The following CRLF3 variants were observed in gnomAD, a reference collection of about 807,000 sequenced individuals.
CRLF3 encodes the protein cytokine receptor-like factor 3.
CRLF3 carries 33 observed loss-of-function variants against 55.0 expected under a neutral mutation model. That is an observed-to-expected ratio of 0.60 (90% CI 0.46 to 0.80). The LOEUF (loss-of-function observed/expected upper bound fraction) is 0.80. CRLF3 is among the 30% of genes least tolerant of loss of function. CRLF3 has a pLI of 0.00. For synonymous variants in CRLF3, 238 were observed against 196.8 expected, an observed-to-expected ratio of 1.21 and a Z score of -1.75; for missense variants, 494 against 538.4, an observed-to-expected ratio of 0.92 and a Z score of 0.82.
In CRLF3 at chr17:30,803,956, G is replaced by A. The variant is rs774536161; in HGVS notation, c.282C>T (p.Asp94=). The A allele has an allele frequency of 1.5e-5, 24 of 1,612,284 alleles. No individual in the cohort carries two copies. Among genetic ancestry groups the A allele is most frequent in the South Asian group, 2.2e-5 (2 of 91,010 alleles). Reference sequence around the variant, plus strand: ...CTCCGTGTTCTATGAGCTTCTGGCAGTCATCTAGTGGTTTAATGGTCTCCT... The same window carrying A: ...CTCCGTGTTCTATGAGCTTCTGGCAATCATCTAGTGGTTTAATGGTCTCCT... ...IEQETIKPLD[D]CQKLIEHGVN... Residue 94 remains aspartate, a synonymous_variant, in exon 2 of 8, where the codon GAC becomes GAT. Coordinates refer to ENST00000324238, the MANE Select transcript of CRLF3 (RefSeq NM_015986.4).
chr17:30,824,099 T>C (rs1012206895), intron 1 of CRLF3, among the ~76,000 whole-genome samples: 1 of 151,806 alleles, frequency 6.6e-6, no homozygotes, highest in Non-Finnish European at 1.5e-5. Context: ...CACTTTCAGC[T>C]CTCCCAGGTC....
intron 2 of CRLF3, among the ~76,000 whole-genome samples, chr17:30,801,952 G>C: frequency 6.6e-6 from 1 of 151,556 alleles, no homozygotes; most frequent in South Asian, 2.1e-4. Context: ...ATGTCTGCTG[G>C]ATGAATTGCT....
At chr17:30,794,205 A>G (rs770098606) in intron 4 of CRLF3, among the ~76,000 whole-genome samples, 39 of 152,154 alleles carry the variant, frequency 2.6e-4, no homozygotes, top group Admixed American at 3.9e-4. Context: ...GCCTCCTTTG[A>G]AGAAATGGCA....
At chr17:30,817,468 C>A (rs1012826753) in intron 1 of CRLF3, among the ~76,000 whole-genome samples, 1 of 148,856 alleles carries the variant, frequency 6.7e-6, no homozygotes, top group Non-Finnish European at 1.5e-5. Flanking sequence ...GAAAAATATT[C>A]TTGTAAATGC....
rs141870697 is a variant in CRLF3 at position 30,784,095 on chromosome 17, G to A, written c.*92C>T. ...CTTTCCAATGGCCTAAGTTAGAGATGAATTCAACTTTTTTTTTAAAGCAAT... is the reference window on the plus strand; with the variant it reads ...CTTTCCAATGGCCTAAGTTAGAGATAAATTCAACTTTTTTTTTAAAGCAAT... On this transcript the variant is annotated 3_prime_UTR_variant, in exon 8 of 8. Coordinates refer to ENST00000324238, the MANE Select transcript of CRLF3 (RefSeq NM_015986.4). 0.012 allele frequency: 14,132 copies of A among 1,175,356 alleles called. 124 individuals carry two copies. Among genetic ancestry groups the A allele is most frequent in the Middle Eastern group, 0.023 (76 of 3,328 alleles). 72.8% of individuals were successfully genotyped at this position (1,175,356 alleles called of 1,614,324 possible).
chr17:30,813,728 T>A lies in CRLF3; in HGVS notation c.130-9620A>T, dbSNP rs186778761. Among the ~76,000 whole-genome samples, 186 of 151,902 alleles carry A rather than the reference T, an allele frequency of 1.2e-3. No homozygotes were observed. In the Middle Eastern group the frequency reaches 0.017, roughly 14 times the overall value. On this transcript the variant is annotated intron_variant, in intron 1 of 7. Coordinates refer to ENST00000324238, the MANE Select transcript of CRLF3 (RefSeq NM_015986.4). ...TTAACTCGTCATTTAACATTAGGTA[T>A]ATCTATCTCCTAATGCTATCCCTCC... is the stretch of plus-strand genomic sequence containing the variant.
intron 5 of CRLF3, 123 bp from the exon 6 acceptor site, chr17:30,792,695 A>T: frequency 1.2e-6 from 1 of 802,120 alleles, no homozygotes; most frequent in Non-Finnish European, 2.0e-6. Context: ...AAGTTCAATA[A>T]AATAAAAGAT....
chr17:30,797,700 C>T (rs1179477697), intron 2 of CRLF3, among the ~76,000 whole-genome samples: 1 of 152,062 alleles, frequency 6.6e-6, no homozygotes, highest in South Asian at 2.1e-4. Flanking sequence ...TTCCATCTCT[C>T]CTACAGAATC....
intron 1 of CRLF3, among the ~76,000 whole-genome samples, chr17:30,806,536 A>G (rs1904408735): frequency 6.6e-6 from 1 of 152,180 alleles, no homozygotes; most frequent in South Asian, 2.1e-4. Context: ...AATTTGAGAA[A>G]CATTGCCCTA....
At position 30,785,912 on chromosome 17, in the gene CRLF3, C is replaced by T. The variant is rs778016935; in HGVS notation, c.1072+7G>A. 10 of 1,443,396 alleles carry T rather than the reference C, an allele frequency of 6.9e-6. No homozygotes were observed. The highest frequency in any genetic ancestry group is 1.2e-5 in the South Asian group (1 of 85,162). 89.4% of individuals were successfully genotyped at this position (1,443,396 alleles called of 1,614,324 possible). On this transcript the variant is annotated splice_region_variant and intron_variant, in intron 7 of 7. Transcript: ENST00000324238. ...TTCCAAGAGAATGACAGTTATTTAT[C>T]TCTTACCATTTGTACTAATGCACAC...
chr17:30,793,705 CA>C (rs770408085), intron 4 of CRLF3, 33 bp from the exon 5 acceptor site: 1 of 1,474,984 alleles, frequency 6.8e-7, no homozygotes, highest in East Asian at 2.3e-5. Flanking sequence ...AGGTAAAAAA[CA>C]GAAAATGACT....
In CRLF3 at chr17:30,790,155, G is replaced by A. The variant is rs548332485; in HGVS notation, c.959+2285C>T. ...GCTGGAGAGGAATACAGCAACACTG[G>A]CTTAGATAAAATATTCAGATATTCT... is the stretch of plus-strand genomic sequence containing the variant. On this transcript the variant is annotated intron_variant, in intron 6 of 7. Coordinates refer to ENST00000324238, the MANE Select transcript of CRLF3 (RefSeq NM_015986.4). Among the ~76,000 whole-genome samples, 7 of 152,178 alleles carry A rather than the reference G, an allele frequency of 4.6e-5. No individual in the cohort carries two copies. In the South Asian group the frequency reaches 8.3e-4, roughly 18 times the overall value.
Position 30,824,513 on chromosome 17 carries a change from G to A in CRLF3, c.129+10C>T. On this transcript the variant is annotated intron_variant, in intron 1 of 7. Transcript: ENST00000324238. ...GGCCCACAGCGCCCCTGTGGGTGTG[G>A]CCCTCCGACCTGCCTCCGCGCCTCA... 2.5e-6 allele frequency: 4 copies of A among 1,578,402 alleles called. No homozygotes were observed. Among genetic ancestry groups the A allele is most frequent in the Non-Finnish European group, 3.4e-6 (4 of 1,168,690 alleles).
intron 7 of CRLF3, 32 bp from the exon 8 acceptor site, chr17:30,784,475 G>C (rs1184014750): frequency 6.4e-7 from 1 of 1,571,760 alleles, no homozygotes; most frequent in Admixed American, 1.7e-5. Context: ...TCATTTACAT[G>C]TGAGCAATAA....
rs1299189179 is a variant in CRLF3 at position 30,783,686 on chromosome 17, A to G, written c.*501T>C. 1.3e-5 allele frequency: 2 copies of G among 152,644 alleles called. No individual in the cohort carries two copies. Among genetic ancestry groups the G allele is most frequent in the East Asian group, 1.9e-4 (1 of 5,196 alleles). The allele number at this position is 152,644 out of a possible 1,614,324, so 9.5% of individuals were successfully genotyped here. On this transcript the variant is annotated 3_prime_UTR_variant, in exon 8 of 8. Transcript: ENST00000324238. ...TACTGAAGAGGGGATAAAAGTCAAC[A>G]CTGCTTACAAATACCTGAACATGGA...
At chr17:30,797,132 C>T (rs546671071) in intron 3 of CRLF3, among the ~76,000 whole-genome samples, 179 bp downstream of exon 3, 72 of 152,262 alleles carry the variant, frequency 4.7e-4, no homozygotes, top group African/African-American at 1.7e-3. Context: ...CTCAAGCAAT[C>T]CACCCGCCTT....
At position 30,817,939 on chromosome 17, in the gene CRLF3, T is replaced by G. The variant is rs936981630; in HGVS notation, c.129+6584A>C. ...AAAAAAAAAAAAAAGTTAACTGCAGTTGTCTGTAAGTAGTAGGTTATTTTA... is the reference window on the plus strand; with the variant it reads ...AAAAAAAAAAAAAAGTTAACTGCAGGTGTCTGTAAGTAGTAGGTTATTTTA... On this transcript the variant is annotated intron_variant, in intron 1 of 7. Transcript: ENST00000324238. Among the ~76,000 whole-genome samples the G allele has an allele frequency of 2.8e-5, 4 of 144,850 alleles. No individual in the cohort carries two copies. The South Asian group carries it at 8.8e-4, about 32-fold the overall frequency.
At chr17:30,822,689 G>C (rs570855080) in intron 1 of CRLF3, among the ~76,000 whole-genome samples, 1 of 152,090 alleles carries the variant, frequency 6.6e-6, no homozygotes, top group African/African-American at 2.4e-5. Flanking sequence ...GTGTAATCAC[G>C]ATTTTTTTTA....
At chr17:30,810,879 G>C (rs1039732830) in intron 1 of CRLF3, among the ~76,000 whole-genome samples, 6 of 152,164 alleles carry the variant, frequency 3.9e-5, no homozygotes, top group African/African-American at 1.4e-4. Context: ...CTTGTGTCCA[G>C]GAGTTCAAGA....
Sources: gnomAD v4.1 joint callset for allele counts (sites outside exome capture counted in the v4.1 genomes callset) on GRCh38, gnomAD v4.1.1 for gene constraint, MANE v1.5 for transcripts, NCBI Gene and HGNC (gene_info 2026-07-23, HGNC 2026-07-21) for gene names.